SIN3A: variants seen among roughly 807,000 people sequenced by gnomAD.
The protein encoded by SIN3A is SIN3 transcription regulator family member A.
A neutral mutation model predicts 146.1 loss-of-function variants in SIN3A; 14 were observed. The observed-to-expected ratio is 0.10, with a 90% CI of 0.06 to 0.15. The LOEUF (loss-of-function observed/expected upper bound fraction) is 0.15. Ranked by LOEUF, SIN3A falls within the 10% of genes least tolerant of loss-of-function variation. The probability of loss-of-function intolerance (pLI) is 1.00; values close to 1 mark genes in which losing one functional copy is unlikely to be tolerated. For synonymous variants in SIN3A, 572 were observed against 572.0 expected (o/e 1.00, Z 0.00); for missense variants, 1,028 against 1,576.0 (o/e 0.65, Z 5.89).
At chr15:75,418,120 C>T (rs903977930) in intron 3 of SIN3A, among the ~76,000 whole-genome samples, 2 of 152,100 alleles carry the variant, frequency 1.3e-5, no homozygotes, top group Non-Finnish European at 2.9e-5. Flanking sequence ...CAACCTCCGC[C>T]TCCCGGGTTC....
At chr15:75,444,816 A>G (rs985529873) in intron 1 of SIN3A, among the ~76,000 whole-genome samples, 1 of 152,206 alleles carries the variant, frequency 6.6e-6, no homozygotes, top group Non-Finnish European at 1.5e-5. Flanking sequence ...TGATCACTGT[A>G]TTGTGGTTTT....
intron 13 of SIN3A, 92 bp from the exon 14 acceptor site, chr15:75,394,955 G>C (rs1377362803): frequency 1.6e-6 from 2 of 1,223,832 alleles, no homozygotes; most frequent in Non-Finnish European, 2.3e-6. Flanking sequence ...TTAAAGAAAG[G>C]TGCAAAGCTA....
intron 1 of SIN3A, among the ~76,000 whole-genome samples, chr15:75,450,191 A>C (rs1464140910): frequency 6.6e-6 from 1 of 151,408 alleles, no homozygotes. Flanking sequence ...AAAAAAAAAA[A>C]ACAAACCCTA....
At chr15:75,379,743 A>C (rs1286305133) in intron 19 of SIN3A, among the ~76,000 whole-genome samples, 2 of 152,242 alleles carry the variant, frequency 1.3e-5, no homozygotes, top group Admixed American at 1.3e-4. Flanking sequence ...CAAAACTTTT[A>C]GGAAGGAAGA....
intron 12 of SIN3A, 99 bp downstream of exon 12, chr15:75,399,941 T>C: frequency 2.7e-6 from 2 of 728,042 alleles, no homozygotes; most frequent in East Asian, 2.5e-5. Context: ...AATGTGAGCC[T>C]TTGGCTCTTC....
At chr15:75,449,341 A>G (rs890304630) in intron 1 of SIN3A, among the ~76,000 whole-genome samples, 1 of 152,242 alleles carries the variant, frequency 6.6e-6, no homozygotes, top group Non-Finnish European at 1.5e-5. Context: ...CCTACTAACC[A>G]AAGCACAAAT....
chr15:75,429,795 T>C (rs991635603), intron 2 of SIN3A, among the ~76,000 whole-genome samples: 5 of 152,218 alleles, frequency 3.3e-5, no homozygotes, highest in African/African-American at 1.2e-4. Context: ...TACAGCGATC[T>C]ATAAAAATAT....
chr15:75,452,486 A>C (rs927344541), upstream of SIN3A, among the ~76,000 whole-genome samples: 1 of 152,238 alleles, frequency 6.6e-6, no homozygotes, highest in African/African-American at 2.4e-5. Flanking sequence ...TTATCTTTAC[A>C]GTTTACATTC....
At position 75,400,745 on chromosome 15, in the gene SIN3A, A is replaced by G. The variant is rs2073396186; in HGVS notation, c.1722T>C (p.Thr574=). The G allele has an allele frequency of 6.2e-7, 1 of 1,613,636 alleles. No individual in the cohort carries two copies. Among genetic ancestry groups the G allele is most frequent in the Non-Finnish European group, 8.5e-7 (1 of 1,179,910 alleles). ...SYQQPKCTGR[T]PLCKEVLNDT... is the part of the protein sequence containing the mutation. ...AAGGCCTTACCTCTTTACAGAGAGG[A>G]GTCCGTCCTGTACACTTGGGCTGCT... Residue 574 remains threonine, a synonymous_variant, in exon 11 of 21, where the codon ACT becomes ACC. Transcript: ENST00000394947.
At chr15:75,449,962 T>C (rs1406337053) in intron 1 of SIN3A, among the ~76,000 whole-genome samples, 1 of 152,108 alleles carries the variant, frequency 6.6e-6, no homozygotes, top group African/African-American at 2.4e-5. Context: ...GTATTTTTAG[T>C]AGAAACAGGG....
chr15:75,381,274 A>G (rs763829879), intron 18 of SIN3A, among the ~76,000 whole-genome samples: 5 of 152,198 alleles, frequency 3.3e-5, no homozygotes, highest in East Asian at 1.9e-4. Flanking sequence ...TATCAGTCCA[A>G]TAAAAAGTAA....
intron 1 of SIN3A, among the ~76,000 whole-genome samples, chr15:75,434,502 T>C (rs1239719222): frequency 2.6e-5 from 4 of 151,884 alleles, no homozygotes; most frequent in South Asian, 4.2e-4. Flanking sequence ...ATACAAAAAT[T>C]AGCCGGGTGT....
intron 3 of SIN3A, chr15:75,419,880 C>G (rs949775599): frequency 6.6e-6 from 1 of 152,014 alleles, no homozygotes; most frequent in African/African-American, 2.4e-5. Flanking sequence ...TTTAAAAACT[C>G]TGCATGACAC....
Position 75,430,465 on chromosome 15 carries a change from G to A in SIN3A, c.-33-57C>T, listed in dbSNP as rs753179362. The A allele has an allele frequency of 2.6e-5, 34 of 1,330,440 alleles. No homozygotes were observed. In the East Asian group the frequency reaches 3.7e-4, roughly 15 times the overall value. 82.4% of individuals were successfully genotyped at this position (1,330,440 alleles called of 1,614,324 possible). ...CAATTCTCACTCCAGTATGATGTAC[G>A]CCACTTAGGACCAGTCACCCAAGTT... On this transcript the variant is annotated intron_variant, in intron 1 of 20. Transcript: ENST00000394947.
intron 9 of SIN3A, among the ~76,000 whole-genome samples, chr15:75,405,835 T>G (rs1455940350): frequency 2.0e-5 from 3 of 152,220 alleles, no homozygotes; most frequent in Admixed American, 2.0e-4. Flanking sequence ...ATATATTTCT[T>G]AATTCTTAAT....
At chr15:75,376,859 TAAAAAAAAA>T (rs200318256) in intron 19 of SIN3A, among the ~76,000 whole-genome samples, 2 of 115,810 alleles carry the variant, frequency 1.7e-5, no homozygotes, top group African/African-American at 3.2e-5. Flanking sequence ...GACACTGTCT[TAAAAAAAAA>T]AAAAAAAAAA....
In SIN3A at chr15:75,369,541, G is replaced by A. The variant is rs1420853413; in HGVS notation, c.*2438C>T. The A allele has an allele frequency of 6.6e-6, 1 of 152,226 alleles. No homozygotes were observed. Among genetic ancestry groups the A allele is most frequent in the Non-Finnish European group, 1.5e-5 (1 of 68,032 alleles). 9.4% of individuals were successfully genotyped at this position (152,226 alleles called of 1,614,324 possible). A position where few individuals can be genotyped will look rare whatever the true frequency, so the allele number is the denominator to read the frequency against. On this transcript the variant is annotated 3_prime_UTR_variant, in exon 21 of 21. Coordinates refer to ENST00000394947, the MANE Select transcript of SIN3A (RefSeq NM_001145358.2). ...TGGGTTTAGAGCTTGGAGCTCAGAT[G>A]TCAGACAGCAGGAGGAATAAAAATG...
chr15:75,403,479 T>C (rs2073450914), intron 9 of SIN3A, among the ~76,000 whole-genome samples: 1 of 151,696 alleles, frequency 6.6e-6, no homozygotes, highest in Non-Finnish European at 1.5e-5. Context: ...TCTCGGAGTA[T>C]ACCTTCTCAT....
At chr15:75,380,983 C>A in intron 18 of SIN3A, 1 of 282,716 alleles carries the variant, frequency 3.5e-6, no homozygotes, top group Non-Finnish European at 6.8e-6. Flanking sequence ...GGCTCACTGA[C>A]AAGTTTCATT....
Sources: gnomAD v4.1 joint callset for allele counts (sites outside exome capture counted in the v4.1 genomes callset) on GRCh38, gnomAD v4.1.1 for gene constraint, MANE v1.5 for transcripts, NCBI Gene and HGNC (gene_info 2026-07-23, HGNC 2026-07-21) for gene names.